Variants in CSMD1 observed in about 807,000 individuals in gnomAD.
CSMD1 encodes the protein CUB and sushi domain-containing protein 1.
CSMD1 carries 213 observed loss-of-function variants against 417.5 expected under a neutral mutation model. The observed-to-expected ratio is 0.51, with a 90% confidence interval of 0.46 to 0.57. The LOEUF is 0.57. Among genes scored for constraint, CSMD1 ranks in the 20% least tolerant of loss-of-function variants. The pLI, the probability that CSMD1 is intolerant of heterozygous loss-of-function variation, is 0.00. For missense variants in CSMD1, 6,923 were observed against 4,529.7 expected (o/e 1.53, Z -15.17); for synonymous variants, 2,862 against 1,736.8 (o/e 1.65, Z -16.11).
At chr8:4,345,291 C>T (rs536046390) in intron 3 of CSMD1, among the ~76,000 whole-genome samples, 10 of 152,220 alleles carry the variant, frequency 6.6e-5, no homozygotes, top group Admixed American at 2.0e-4. Context: ...TGAGGATTAA[C>T]GATGTTTGAA....
chr8:3,776,417 C>T (rs187449168), intron 5 of CSMD1, among the ~76,000 whole-genome samples: 22 of 152,320 alleles, frequency 1.4e-4, no homozygotes, highest in Non-Finnish European at 2.8e-4. Context: ...GACACCTTCT[C>T]ACTCCTGTCC....
intron 12 of CSMD1, among the ~76,000 whole-genome samples, chr8:3,413,257 AT>A (rs149624936): frequency 0.099 from 15,132 of 152,180 alleles, 944 homozygotes; most frequent in East Asian, 0.26. Context: ...AAATTATGGC[AT>A]TTTGGGGATA....
At chr8:4,927,636 C>A (rs1436558157) in intron 1 of CSMD1, among the ~76,000 whole-genome samples, 2 of 152,158 alleles carry the variant, frequency 1.3e-5, no homozygotes, top group Non-Finnish European at 2.9e-5. Flanking sequence ...ACAGGCAGGG[C>A]ATCTACATTG....
At chr8:4,123,113 A>T (rs1251471069) in intron 3 of CSMD1, among the ~76,000 whole-genome samples, 1 of 152,238 alleles carries the variant, frequency 6.6e-6, no homozygotes, top group Non-Finnish European at 1.5e-5. Context: ...AAAATGATCC[A>T]TCAGTACACA....
chr8:3,658,464 G>GTATATATATATATA lies in CSMD1; in HGVS notation c.1010-41668_1010-41667insTATATATATATATA, dbSNP rs113956125. ...CACATATATCTATAATATATATATT[G>GTATATATATATATA]TGTATATATATATATATTTAATTTA... On this transcript the variant is annotated intron_variant, in intron 7 of 69. Coordinates refer to ENST00000635120, the MANE Select transcript of CSMD1 (RefSeq NM_033225.6). Among the ~76,000 whole-genome samples the GTATATATATATATA allele has an allele frequency of 2.6e-3, 378 of 144,164 alleles. 2 individuals carry two copies. Among genetic ancestry groups the GTATATATATATATA allele is most frequent in the African/African-American group, 6.3e-3 (249 of 39,700 alleles). 94.6% of individuals were successfully genotyped at this position (144,164 alleles called of 152,430 possible). A position where few individuals can be genotyped will look rare whatever the true frequency, so the allele number is the denominator to read the frequency against.
chr8:4,673,162 T>C (rs184394712), intron 1 of CSMD1, among the ~76,000 whole-genome samples: 1 of 152,068 alleles, frequency 6.6e-6, no homozygotes, highest in Non-Finnish European at 1.5e-5. Context: ...AGGGATTCTA[T>C]GGAAGGAAAA....
intron 1 of CSMD1, among the ~76,000 whole-genome samples, chr8:4,712,148 G>C (rs1808346188): frequency 1.3e-5 from 2 of 152,208 alleles, no homozygotes; most frequent in Non-Finnish European, 2.9e-5. Flanking sequence ...GGATGGCATA[G>C]ACCAGTGAAC....
chr8:3,838,547 ACT>A (rs1299013582), intron 5 of CSMD1, among the ~76,000 whole-genome samples: 2 of 124,716 alleles, frequency 1.6e-5, no homozygotes, highest in South Asian at 2.4e-4. Flanking sequence ...CTATATATGT[ACT>A]CTCTGTAGAT....
intron 41 of CSMD1, among the ~76,000 whole-genome samples, chr8:3,137,624 C>A (rs1818178809): frequency 6.6e-6 from 1 of 152,192 alleles, no homozygotes; most frequent in Non-Finnish European, 1.5e-5. Flanking sequence ...TTCATAAAAT[C>A]TAAGCACACT....
intron 57 of CSMD1, among the ~76,000 whole-genome samples, chr8:2,970,615 GC>G (rs562221237): frequency 1.1e-3 from 170 of 152,220 alleles, no homozygotes; most frequent in African/African-American, 3.9e-3. Context: ...TTAAAATACT[GC>G]CGATGAGTGA....
At chr8:4,121,549 T>A (rs1438596364) in intron 3 of CSMD1, among the ~76,000 whole-genome samples, 2 of 151,736 alleles carry the variant, frequency 1.3e-5, no homozygotes, top group African/African-American at 4.8e-5. Context: ...GTGAAGCAAT[T>A]GTCTAAAATG....
intron 2 of CSMD1, among the ~76,000 whole-genome samples, chr8:4,458,051 C>G (rs1799593356): frequency 6.6e-6 from 1 of 152,016 alleles, no homozygotes; most frequent in South Asian, 2.1e-4. Context: ...ATTCCTTTTA[C>G]CCCTGAGGTA....
At chr8:3,640,671 G>C (rs140583786) in intron 7 of CSMD1, among the ~76,000 whole-genome samples, 213 of 152,280 alleles carry the variant, frequency 1.4e-3, no homozygotes, top group African/African-American at 4.9e-3. Flanking sequence ...TCGCTACAAT[G>C]TTTGATAAGA....
intron 13 of CSMD1, among the ~76,000 whole-genome samples, chr8:3,408,859 C>T (rs979449886): frequency 6.6e-5 from 10 of 152,000 alleles, no homozygotes; most frequent in African/African-American, 1.7e-4. Flanking sequence ...TACATTTTTG[C>T]TTCTTATTCC....
chr8:3,801,488 T>C (rs921156945), intron 5 of CSMD1, among the ~76,000 whole-genome samples: 1 of 152,150 alleles, frequency 6.6e-6, no homozygotes, highest in Non-Finnish European at 1.5e-5. Context: ...CTGGCAAGGA[T>C]GTAGAGAATT....
chr8:3,586,082 T>A, intron 9 of CSMD1, 54 bp downstream of exon 9: 2 of 1,567,630 alleles, frequency 1.3e-6, no homozygotes, highest in Non-Finnish European at 1.7e-6. Context: ...TTCATAAAAA[T>A]GCCAACCTTA....
At chr8:4,458,607 A>G (rs892895455) in intron 2 of CSMD1, among the ~76,000 whole-genome samples, 2 of 152,218 alleles carry the variant, frequency 1.3e-5, no homozygotes, top group African/African-American at 2.4e-5. Context: ...AAGAAAAATC[A>G]TCACCCACAC....
At chr8:3,885,340 C>T (rs1806488723) in intron 5 of CSMD1, among the ~76,000 whole-genome samples, 1 of 152,094 alleles carries the variant, frequency 6.6e-6, no homozygotes, top group Non-Finnish European at 1.5e-5. Context: ...CACTTAGTGA[C>T]ATTTATATTG....
intron 49 of CSMD1, among the ~76,000 whole-genome samples, chr8:3,059,177 TA>T (rs1267415045): frequency 6.7e-6 from 1 of 149,102 alleles, no homozygotes; most frequent in Non-Finnish European, 1.5e-5. Flanking sequence ...CTATTAATAA[TA>T]ATGGCTTGTT....
Sources: allele counts gnomAD v4.1 joint callset (sites outside exome capture counted in the v4.1 genomes callset), GRCh38; gene constraint gnomAD v4.1.1; transcripts MANE v1.5; gene names NCBI Gene and HGNC (gene_info 2026-07-23, HGNC 2026-07-21).